SMARCAL1: variants seen among roughly 807,000 people sequenced by gnomAD.
The protein encoded by SMARCAL1 is SNF2 related chromatin remodeling annealing helicase 1.
In SMARCAL1, 58 loss-of-function variants were observed where a neutral mutation model predicts 94.5. The observed-to-expected ratio is 0.61, with a 90% confidence interval of 0.50 to 0.76. SMARCAL1 has a LOEUF of 0.76. Among genes scored for constraint, SMARCAL1 ranks in the 30% least tolerant of loss-of-function variants. SMARCAL1 has a pLI of 0.00. For missense variants in SMARCAL1, 1,051 were observed against 1,177.9 expected (o/e 0.89, Z 1.58); for synonymous variants, 422 against 455.1 (o/e 0.93, Z 0.93).
intron 11 of SMARCAL1, among the ~76,000 whole-genome samples, chr2:216,450,161 C>T (rs1052711197): frequency 3.9e-5 from 6 of 152,138 alleles, no homozygotes; most frequent in Non-Finnish European, 7.4e-5. Context: ...GTAATGGCTT[C>T]TCTAGCTGTG....
intron 8 of SMARCAL1, among the ~76,000 whole-genome samples, chr2:216,434,653 T>C (rs1694038509): frequency 6.7e-6 from 1 of 149,658 alleles, no homozygotes; most frequent in Non-Finnish European, 1.5e-5. Flanking sequence ...CTGAACAACA[T>C]ACTGAGACCC....
At position 216,475,122 on chromosome 2, in the gene SMARCAL1, C is replaced by A; in HGVS notation, c.2245-147C>A. The A allele has an allele frequency of 1.4e-6, 1 of 700,820 alleles. No homozygotes were observed. The highest frequency in any genetic ancestry group is 2.4e-6 in the Non-Finnish European group (1 of 410,962). 43.4% of individuals were successfully genotyped at this position (700,820 alleles called of 1,614,324 possible). A position where few individuals can be genotyped will look rare whatever the true frequency, so the allele number is the denominator to read the frequency against. ...TGAGTATAAGCAGTCATCTCAATAC[C>A]AATGTCAATTTGAAAAGAAAAGCTC... is the stretch of plus-strand genomic sequence containing the variant. On this transcript the variant is annotated intron_variant, in intron 14 of 17. Coordinates refer to ENST00000357276, the MANE Select transcript of SMARCAL1 (RefSeq NM_014140.4). This position sits in a 1 kb window ranked among gnomAD's most constrained non-coding sequence, Gnocchi z 4.4.
rs868837066 is a variant in SMARCAL1, at chr2:216,439,329, G to T, written c.1710+844G>T. 2.4e-3 allele frequency among the ~76,000 whole-genome samples: 364 copies of T among 152,196 alleles called. 2 individuals are homozygous for T. The highest frequency in any genetic ancestry group is 8.4e-3 in the African/African-American group (350 of 41,514). Reference sequence around the variant, plus strand: ...CTCCAAATTTCCTTCCATTATGGGGGGGGGGGATGATTTTTTTCCTATTAT... The same window carrying T: ...CTCCAAATTTCCTTCCATTATGGGGTGGGGGGATGATTTTTTTCCTATTAT... On this transcript the variant is annotated intron_variant, in intron 10 of 17. Coordinates refer to ENST00000357276, the MANE Select transcript of SMARCAL1 (RefSeq NM_014140.4).
At chr2:216,468,083 G>A (rs751678518) in intron 14 of SMARCAL1, 37 bp downstream of exon 14, 12 of 1,444,236 alleles carry the variant, frequency 8.3e-6, no homozygotes, top group Non-Finnish European at 1.1e-5. Flanking sequence ...GGCTACTTTT[G>A]CCATGTCCCA....
At chr2:216,421,627 C>T (rs1257635171) in intron 5 of SMARCAL1, among the ~76,000 whole-genome samples, 1 of 152,126 alleles carries the variant, frequency 6.6e-6, no homozygotes, top group Non-Finnish European at 1.5e-5. Context: ...TCATAAGCTC[C>T]CCCTTCAGAA....
intron 6 of SMARCAL1, among the ~76,000 whole-genome samples, chr2:216,425,011 C>T (rs1693801347): frequency 6.6e-6 from 1 of 152,182 alleles, no homozygotes; most frequent in Non-Finnish European, 1.5e-5. Flanking sequence ...CTCTGCCTCC[C>T]AGGCTCAAGC....
chr2:216,443,649 GT>G (rs966632654), intron 10 of SMARCAL1, among the ~76,000 whole-genome samples: 1 of 151,860 alleles, frequency 6.6e-6, no homozygotes, highest in East Asian at 1.9e-4. Context: ...CTGGAACTTT[GT>G]TTTTTTTGGA....
Position 216,435,383 on chromosome 2 carries a change from G to T in SMARCAL1, c.1531G>T (p.Val511Phe). The change falls in exon 9 of 18, where the codon GTC (valine) becomes TTC (phenylalanine). Residue 511 changes from valine to phenylalanine, a missense_variant. Transcript: ENST00000357276. ...ATCTCTGAGCCCAGATTGCATCAAC[G>T]TCGTGGTGACTGGGAAGGACCGCCT... is the stretch of plus-strand genomic sequence containing the variant. ...LPSLSPDCIN[V>F]VVTGKDRLTA... is the part of the protein sequence containing the mutation. 2 of 1,614,124 alleles carry T rather than the reference G, an allele frequency of 1.2e-6. No individual in the cohort carries two copies. Among genetic ancestry groups the T allele is most frequent in the Non-Finnish European group, 1.7e-6 (2 of 1,180,010 alleles).
chr2:216,472,440 T>G (rs1296387151), intron 14 of SMARCAL1, among the ~76,000 whole-genome samples: 1 of 152,106 alleles, frequency 6.6e-6, no homozygotes, highest in African/African-American at 2.4e-5. Flanking sequence ...TTAATGATGA[T>G]TATCTCTAAG....
chr2:216,468,763 C>CA (rs1694889747), intron 14 of SMARCAL1, among the ~76,000 whole-genome samples: 1 of 152,092 alleles, frequency 6.6e-6, no homozygotes. Context: ...CTGTGTTGCC[C>CA]ATGCTGGAGT....
intron 12 of SMARCAL1, among the ~76,000 whole-genome samples, chr2:216,455,961 A>G (rs1027722108): frequency 1.3e-5 from 2 of 152,232 alleles, no homozygotes; most frequent in South Asian, 2.1e-4. Context: ...AAAAAAGATT[A>G]GACGAATGGC....
Position 216,435,431 on chromosome 2 carries a change from G to A in SMARCAL1, c.1579G>A (p.Val527Ile). ...CCTGACAGCTGGCCTGATCAACATT[G>A]TCAGCTTTGACCTTCTTAGCAAGTT... ...DRLTAGLINI[V>I]SFDLLSKLEK... Residue 527 changes from valine to isoleucine, a missense_variant, in exon 9 of 18, where the codon GTC (valine) becomes ATC (isoleucine). By Grantham distance (29) the Val-to-Ile change is conservative (BLOSUM62 3). Around this residue, in one of 3 missense-constraint regions of SMARCAL1, gnomAD observed 642 missense variants for 754.7 expected, o/e 0.85. Transcript: ENST00000357276. The A allele has an allele frequency of 6.2e-7, 1 of 1,614,176 alleles. No homozygotes were observed. Among genetic ancestry groups the A allele is most frequent in the South Asian group, 1.1e-5 (1 of 91,086 alleles).
chr2:216,432,602 TG>T, intron 7 of SMARCAL1, 115 bp from the exon 8 acceptor site: 1 of 1,241,780 alleles, frequency 8.1e-7, no homozygotes, highest in Non-Finnish European at 1.2e-6. Flanking sequence ...GGTGGTGGGC[TG>T]GGCCCGGGCT....
At position 216,414,840 on chromosome 2, in the gene SMARCAL1, C is replaced by T; in HGVS notation, c.136C>T (p.Pro46Ser). 1 of 1,614,202 alleles carries T rather than the reference C, an allele frequency of 6.2e-7. No individual in the cohort carries two copies. Among genetic ancestry groups the T allele is most frequent in the Non-Finnish European group, 8.5e-7 (1 of 1,180,044 alleles). ...TSSGTSIAGN[P>S]FQAKQGPSQN... ...CTCGGGCACCTCCATTGCTGGCAAC[C>T]CATTCCAGGCCAAGCAAGGCCCATC... is the stretch of plus-strand genomic sequence containing the variant. Residue 46 changes from proline (P) to serine (S), a missense_variant, in exon 3 of 18, where the codon CCA (proline) becomes TCA (serine). By Grantham distance (74) the Pro-to-Ser change is moderately conservative. Around this residue, in one of 3 missense-constraint regions of SMARCAL1, gnomAD observed 398 missense variants for 395.2 expected, o/e 1.01. Transcript: ENST00000357276.
Position 216,461,840 on chromosome 2 carries a change from A to C in SMARCAL1, c.2071-2757A>C, listed in dbSNP as rs543137256. ...CAGAGACCTTGTCTCAAAAAAAAAA[A>C]AAACAAACCATAATATTTAAAGACT... is the stretch of plus-strand genomic sequence containing the variant. On this transcript the variant is annotated intron_variant, in intron 12 of 17. Transcript: ENST00000357276. Among the ~76,000 whole-genome samples the C allele has an allele frequency of 6.6e-5, 10 of 152,206 alleles. No individual in the cohort carries two copies. In the South Asian group the frequency reaches 1.0e-3, roughly 16 times the overall value.
chr2:216,443,213 C>G (rs1411863841), intron 10 of SMARCAL1, among the ~76,000 whole-genome samples: 1 of 151,730 alleles, frequency 6.6e-6, no homozygotes, highest in Non-Finnish European at 1.5e-5. Context: ...CCCACCTCTA[C>G]AAAATTAACT....
chr2:216,424,299 C>T (rs967096632), intron 6 of SMARCAL1, among the ~76,000 whole-genome samples: 5 of 152,118 alleles, frequency 3.3e-5, no homozygotes, highest in African/African-American at 1.2e-4. Context: ...TTAGATGGGG[C>T]AATAAATTCT....
rs11408208 is a variant in SMARCAL1 at position 216,434,851 on chromosome 2, ATTTTT to A, written c.1486-471_1486-467del. On this transcript the variant is annotated intron_variant, in intron 8 of 17. Coordinates refer to ENST00000357276, the MANE Select transcript of SMARCAL1 (RefSeq NM_014140.4). ...CAAAGTGAGACCAACACAACTCTCT[ATTTTT>A]TTTTTTTTTTTTTTTCTGAGACCCG... 8.8e-3 allele frequency among the ~76,000 whole-genome samples: 1,037 copies of A among 117,372 alleles called. 58 individuals are homozygous for A. The East Asian group carries it at 0.17, about 20-fold the overall frequency. The allele number at this position is 117,372 out of a possible 152,430, so 77.0% of individuals were successfully genotyped here. A position where few individuals can be genotyped will look rare whatever the true frequency, so the allele number is the denominator to read the frequency against.
At chr2:216,464,700 T>C (rs200125057) in intron 13 of SMARCAL1, 33 bp downstream of exon 13, 4 of 1,299,980 alleles carry the variant, frequency 3.1e-6, no homozygotes, top group Non-Finnish European at 4.4e-6. Context: ...CCTCTCTCTC[T>C]CTCATCTTCA....
Sources: gnomAD v4.1 joint callset for allele counts (sites outside exome capture counted in the v4.1 genomes callset) on GRCh38, gnomAD v4.1.1 for gene constraint, gnomAD v4.1.1 regional missense constraint, Gnocchi (gnomAD v3.1) non-coding constraint, MANE v1.5 for transcripts, NCBI Gene and HGNC (gene_info 2026-07-23, HGNC 2026-07-21) for gene names.